UGT1A6: variants seen among roughly 807,000 people sequenced by gnomAD.
The protein encoded by UGT1A6 is UDP-glucuronosyltransferase 1A6.
A neutral mutation model predicts 44.4 loss-of-function variants in UGT1A6; 32 were observed. That is an observed-to-expected ratio of 0.72 (90% CI 0.54 to 0.97). The LOEUF is 0.97. Ranked by LOEUF, UGT1A6 falls within the 50% of genes least tolerant of loss-of-function variation. The pLI is 0.00. For synonymous variants in UGT1A6, 238 were observed against 248.5 expected, an observed-to-expected ratio of 0.96 and a Z score of 0.40; for missense variants, 685 against 661.9, an observed-to-expected ratio of 1.03 and a Z score of -0.38.
intron 1 of UGT1A6, among the ~76,000 whole-genome samples, chr2:233,735,334 C>G (rs2078639542): frequency 6.6e-6 from 1 of 152,026 alleles, no homozygotes; most frequent in South Asian, 2.1e-4. Flanking sequence ...ATTGCAACCC[C>G]TGCTTTTTTT....
chr2:233,698,513 C>T (rs372475227), intron 1 of UGT1A6, among the ~76,000 whole-genome samples: 6 of 152,124 alleles, frequency 3.9e-5, no homozygotes, highest in Non-Finnish European at 5.9e-5. Context: ...ATCACATAAT[C>T]GGCAATACAT....
chr2:233,769,864 A>C lies in UGT1A6; in HGVS notation c.1301+1425A>C, dbSNP rs2126048970. On this transcript the variant is annotated intron_variant, in intron 4 of 4. Transcript: ENST00000305139. The surrounding 1 kb of genome is among the most constrained non-coding windows in gnomAD (Gnocchi z 4.4). ...CAGAGTGAGACCCTGTCTCAAAAAA[A>C]AAAAAAAAAATGAAAAGTCCACATA... 6.3e-6 allele frequency: 3 copies of C among 472,760 alleles called. No homozygotes were observed. The highest frequency in any genetic ancestry group is 3.9e-5 in the South Asian group (1 of 25,612). The allele number at this position is 472,760 out of a possible 1,614,324, so 29.3% of individuals were successfully genotyped here. A position where few individuals can be genotyped will look rare whatever the true frequency, so the allele number is the denominator to read the frequency against.
At chr2:233,737,360 A>G (rs540165116) in intron 1 of UGT1A6, among the ~76,000 whole-genome samples, 5 of 152,246 alleles carry the variant, frequency 3.3e-5, no homozygotes, top group Admixed American at 6.5e-5. Flanking sequence ...GGAGCTGCTA[A>G]GCCAGGCAGG....
chr2:233,741,084 C>G (rs1460124994), intron 1 of UGT1A6, among the ~76,000 whole-genome samples: 1 of 151,860 alleles, frequency 6.6e-6, no homozygotes, highest in Non-Finnish European at 1.5e-5. Context: ...GTCTTTAAAA[C>G]AAACAAGCAA....
chr2:233,768,508 A>G (rs1699630858), intron 4 of UGT1A6, 69 bp downstream of exon 4: 1 of 1,557,694 alleles, frequency 6.4e-7, no homozygotes, highest in South Asian at 1.2e-5. Flanking sequence ...AAATATGAAA[A>G]CATTTACGTA....
chr2:233,767,712 C>G (rs1699458163), intron 2 of UGT1A6, 137 bp from the exon 3 acceptor site: 1 of 1,533,444 alleles, frequency 6.5e-7, no homozygotes, highest in African/African-American at 1.4e-5. Flanking sequence ...CCTCAGAAGC[C>G]TTCACAGTTA....
chr2:233,712,601 G>T (rs2076243424), intron 1 of UGT1A6, among the ~76,000 whole-genome samples: 1 of 152,202 alleles, frequency 6.6e-6, no homozygotes, highest in Non-Finnish European at 1.5e-5. Context: ...TATGGTTGGG[G>T]ACTAGGGCAA....
chr2:233,772,289 C>T lies in UGT1A6; in HGVS notation c.1329C>T (p.Ser443=). Residue 443 remains serine (S), a synonymous_variant, in exon 5 of 5, where the codon TCC becomes TCT. Coordinates refer to ENST00000305139, the MANE Select transcript of UGT1A6 (RefSeq NM_001072.4). ...ACAAGGAGAACATCATGCGCCTCTC[C>T]AGCCTTCACAAGGACCGCCCGGTGG... is the stretch of plus-strand genomic sequence containing the variant. The part of the protein sequence containing the change: ...KSYKENIMRL[S]SLHKDRPVEP... The T allele has an allele frequency of 6.2e-7, 1 of 1,614,242 alleles. No homozygotes were observed. The highest frequency in any genetic ancestry group is 8.5e-7 in the Non-Finnish European group (1 of 1,180,054).
At chr2:233,757,220 A>C (rs1182388011) in intron 1 of UGT1A6, among the ~76,000 whole-genome samples, 1 of 147,936 alleles carries the variant, frequency 6.8e-6, no homozygotes, top group Non-Finnish European at 1.5e-5. Flanking sequence ...GCTGCTGACC[A>C]AGGTTCCAGA....
chr2:233,755,026 G>T, intron 1 of UGT1A6: 1 of 1,306,986 alleles, frequency 7.7e-7, no homozygotes, highest in South Asian at 1.2e-5. Context: ...TCCTTGAAGG[G>T]CCTGCCGCCT....
At chr2:233,706,525 T>C (rs1041357366) in intron 1 of UGT1A6, among the ~76,000 whole-genome samples, 2 of 152,202 alleles carry the variant, frequency 1.3e-5, no homozygotes, top group Admixed American at 6.5e-5. Flanking sequence ...TTACAGCGGC[T>C]TAGAAACACA....
At chr2:233,722,579 C>T (rs1172017514) in intron 1 of UGT1A6, among the ~76,000 whole-genome samples, 1 of 152,116 alleles carries the variant, frequency 6.6e-6, no homozygotes, top group Non-Finnish European at 1.5e-5. Context: ...TTTGCAACTT[C>T]GTTAGAGGAC....
intron 1 of UGT1A6, among the ~76,000 whole-genome samples, chr2:233,702,262 A>C (rs1404210382): frequency 2.6e-5 from 4 of 152,200 alleles, no homozygotes; most frequent in Non-Finnish European, 5.9e-5. Context: ...CACAAAATAC[A>C]TGAATAGCTT....
intron 1 of UGT1A6, among the ~76,000 whole-genome samples, chr2:233,762,016 T>C (rs1483178639): frequency 3.9e-5 from 6 of 152,180 alleles, no homozygotes; most frequent in Non-Finnish European, 2.9e-5. Flanking sequence ...CAATGTGATT[T>C]GTATTTTATT....
intron 1 of UGT1A6, among the ~76,000 whole-genome samples, chr2:233,715,449 T>C (rs2076452367): frequency 6.6e-6 from 1 of 152,180 alleles, no homozygotes; most frequent in African/African-American, 2.4e-5. Context: ...TCCTATGTTA[T>C]TTTTTGAATT....
At chr2:233,735,001 G>A (rs76924132) in intron 1 of UGT1A6, among the ~76,000 whole-genome samples, 2 of 152,186 alleles carry the variant, frequency 1.3e-5, no homozygotes, top group African/African-American at 4.8e-5. Flanking sequence ...TTGACTTAGG[G>A]TGGAGAGTTC....
At chr2:233,718,222 C>T (rs1241486785) in intron 1 of UGT1A6, among the ~76,000 whole-genome samples, 1 of 152,182 alleles carries the variant, frequency 6.6e-6, no homozygotes, top group Non-Finnish European at 1.5e-5. Context: ...ACAGCCACTT[C>T]AGAGAGAGTC....
chr2:233,769,469 G>T lies in UGT1A6; in HGVS notation c.1301+1030G>T. On this transcript the variant is annotated intron_variant, in intron 4 of 4. Coordinates refer to ENST00000305139, the MANE Select transcript of UGT1A6 (RefSeq NM_001072.4). The surrounding 1 kb of genome is among the most constrained non-coding windows in gnomAD (Gnocchi z 4.4). ...CACACGTGTGCATTCATATGCGTGT[G>T]TGTGTGTGTGCGTGTGTTTATGAGA... 2 of 1,610,132 alleles carry T rather than the reference G, an allele frequency of 1.2e-6. No homozygotes were observed.
chr2:233,713,635 T>C (rs1231856899), intron 1 of UGT1A6: 3 of 1,613,986 alleles, frequency 1.9e-6, no homozygotes, highest in Non-Finnish European at 2.5e-6. Flanking sequence ...AAGAACATGC[T>C]CTACCCTCTG....
Sources: gnomAD v4.1 joint callset for allele counts (sites outside exome capture counted in the v4.1 genomes callset) on GRCh38, gnomAD v4.1.1 for gene constraint, Gnocchi (gnomAD v3.1) non-coding constraint, MANE v1.5 for transcripts, NCBI Gene and HGNC (gene_info 2026-07-23, HGNC 2026-07-21) for gene names.